NUP133: variants seen among roughly 807,000 people sequenced by gnomAD.
NUP133 encodes the protein nuclear pore complex protein Nup133.
Under a neutral mutation model 146.2 loss-of-function variants are expected in NUP133, and 66 were observed. That is an observed-to-expected ratio of 0.45 (90% CI 0.37 to 0.55). The LOEUF (loss-of-function observed/expected upper bound fraction) is 0.55, where lower values mean the gene tolerates loss of function less well. NUP133 is among the 20% of genes least tolerant of loss of function. The pLI, the probability that NUP133 is intolerant of heterozygous loss-of-function variation, is 0.00. For synonymous variants in NUP133, 521 were observed against 498.8 expected (o/e 1.04, Z -0.59); for missense variants, 1,277 against 1,374.8 (o/e 0.93, Z 1.12).
chr1:229,469,260 A>G (rs982111738), intron 15 of NUP133, among the ~76,000 whole-genome samples: 4 of 152,252 alleles, frequency 2.6e-5, no homozygotes, highest in Non-Finnish European at 4.4e-5. Flanking sequence ...ACACCTTTAA[A>G]GGGAGACAGC....
At chr1:229,470,094 C>T (rs1012107125) in intron 15 of NUP133, among the ~76,000 whole-genome samples, 7 of 152,014 alleles carry the variant, frequency 4.6e-5, no homozygotes, top group African/African-American at 7.2e-5. Context: ...CAGTAGCTCA[C>T]GCCTGTAATC....
intron 19 of NUP133, 115 bp from the exon 20 acceptor site, chr1:229,460,884 T>C (rs760829745): frequency 6.5e-6 from 5 of 772,560 alleles, no homozygotes; most frequent in Non-Finnish European, 1.0e-5. Context: ...TTCTAAACAA[T>C]AATTTCCTAT....
At chr1:229,471,815 C>A (rs1660962364) in intron 14 of NUP133, among the ~76,000 whole-genome samples, 1 of 152,130 alleles carries the variant, frequency 6.6e-6, no homozygotes, top group Non-Finnish European at 1.5e-5. Context: ...CTTTTTATAA[C>A]ACAAAAGGGG....
intron 15 of NUP133, among the ~76,000 whole-genome samples, chr1:229,466,961 T>TTA (rs1356818164): frequency 1.5e-4 from 22 of 150,550 alleles, no homozygotes; most frequent in Admixed American, 4.7e-4. Flanking sequence ...CAAATAAGTC[T>TTA]TATAAACAGG....
chr1:229,497,066 G>A (rs1661673327), intron 6 of NUP133, among the ~76,000 whole-genome samples: 1 of 152,176 alleles, frequency 6.6e-6, no homozygotes, highest in Non-Finnish European at 1.5e-5. Context: ...GGATATACAT[G>A]ACTGTTTTGT....
intron 12 of NUP133, among the ~76,000 whole-genome samples, chr1:229,482,539 T>G (rs1417443386): frequency 6.6e-6 from 1 of 152,198 alleles, no homozygotes; most frequent in Non-Finnish European, 1.5e-5. Context: ...GAGTATTTAT[T>G]CAAATGTGAA....
At chr1:229,506,002 A>G in intron 2 of NUP133, 38 bp downstream of exon 2, 1 of 1,215,446 alleles carries the variant, frequency 8.2e-7, no homozygotes, top group South Asian at 1.2e-5. Context: ...GCTCCATTTT[A>G]AACTGCTAAT....
chr1:229,476,944 A>C (rs920127501), intron 13 of NUP133, among the ~76,000 whole-genome samples: 12 of 151,630 alleles, frequency 7.9e-5, no homozygotes, highest in Admixed American at 6.6e-5. Flanking sequence ...AAAAAAACAA[A>C]AAAAAAAACT....
chr1:229,465,545 A>C lies in NUP133; in HGVS notation c.2200-26T>G, dbSNP rs752831837. On this transcript the variant is annotated intron_variant, in intron 16 of 25. Coordinates refer to ENST00000261396, the MANE Select transcript of NUP133 (RefSeq NM_018230.3). ...CTGGAAAAAAAGTTAATGTGTTATCACATGCAAAAGGTGATGGATCACAGT... is the reference window on the plus strand; with the variant it reads ...CTGGAAAAAAAGTTAATGTGTTATCCCATGCAAAAGGTGATGGATCACAGT... 257 of 1,515,490 alleles carry C rather than the reference A, an allele frequency of 1.7e-4. 1 individual carries two copies. Among genetic ancestry groups the C allele is most frequent in the Admixed American group, 2.5e-4 (15 of 59,652 alleles). 93.9% of individuals were successfully genotyped at this position (1,515,490 alleles called of 1,614,324 possible).
chr1:229,483,421 A>T (rs149816983), intron 12 of NUP133, among the ~76,000 whole-genome samples: 37 of 152,226 alleles, frequency 2.4e-4, no homozygotes, highest in African/African-American at 8.9e-4. Context: ...AATATTACCA[A>T]TAAAACTTTG....
At chr1:229,475,187 A>C (rs1271517978) in intron 14 of NUP133, among the ~76,000 whole-genome samples, 1 of 152,192 alleles carries the variant, frequency 6.6e-6, no homozygotes, top group East Asian at 1.9e-4. Context: ...TATGTCTGCA[A>C]GCCACTTTTA....
At position 229,506,173 on chromosome 1, in the gene NUP133, C is replaced by T; in HGVS notation, c.183-15G>A. The T allele has an allele frequency of 2.9e-6, 4 of 1,399,502 alleles. No homozygotes were observed. Among genetic ancestry groups the T allele is most frequent in the Non-Finnish European group, 4.0e-6 (4 of 1,002,104 alleles). 86.7% of individuals were successfully genotyped at this position (1,399,502 alleles called of 1,614,324 possible). On this transcript the variant is annotated splice_polypyrimidine_tract_variant and intron_variant, in intron 1 of 25. Transcript: ENST00000261396. Reference sequence around the variant, plus strand: ...TTGGTGTTCCCCTAAAGAAAAGAGTCTATATTACCTTACTTGTAACTTAAA... The same window carrying T: ...TTGGTGTTCCCCTAAAGAAAAGAGTTTATATTACCTTACTTGTAACTTAAA...
chr1:229,466,888 G>A, intron 15 of NUP133, 132 bp from the exon 16 acceptor site: 17 of 676,982 alleles, frequency 2.5e-5, no homozygotes, highest in South Asian at 1.2e-4. Flanking sequence ...GGCAGTTGAT[G>A]GTAAAAATAA....
intron 16 of NUP133, among the ~76,000 whole-genome samples, chr1:229,465,725 C>CA (rs1406772214): frequency 6.6e-6 from 1 of 151,756 alleles, no homozygotes; most frequent in Non-Finnish European, 1.5e-5. Flanking sequence ...CCCATCTGTA[C>CA]AAAAAATTTT....
Position 229,456,772 on chromosome 1 carries a change from TAC to T in NUP133, c.2980+1387_2980+1388del, listed in dbSNP as rs200971911. On this transcript the variant is annotated intron_variant, in intron 21 of 25. Coordinates refer to ENST00000261396, the MANE Select transcript of NUP133 (RefSeq NM_018230.3). ...ATATATATACACACAATTTTATATATACACACACACATTTTATTATGTATATC... is the reference window on the plus strand; with the variant it reads ...ATATATATACACACAATTTTATATATACACACACATTTTATTATGTATATC... 9.8e-3 allele frequency among the ~76,000 whole-genome samples: 1,483 copies of T among 151,832 alleles called. 32 individuals carry two copies. The highest frequency in any genetic ancestry group is 0.033 in the African/African-American group (1,381 of 41,392).
intron 22 of NUP133, among the ~76,000 whole-genome samples, chr1:229,451,532 ATTC>A (rs1384252811): frequency 1.3e-5 from 2 of 152,238 alleles, no homozygotes; most frequent in Non-Finnish European, 2.9e-5. Flanking sequence ...TCATTTCTGT[ATTC>A]TTCAAATTTC....
At chr1:229,497,945 T>C (rs1661697995) in intron 6 of NUP133, among the ~76,000 whole-genome samples, 191 bp downstream of exon 6, 1 of 152,254 alleles carries the variant, frequency 6.6e-6, no homozygotes, top group African/African-American at 2.4e-5. Flanking sequence ...AAGATTTTAG[T>C]GTTACAAGTT....
Position 229,496,017 on chromosome 1 carries a change from ATCTC to A in NUP133, c.846_849del (p.Glu282AspfsTer7). ...GAACTCGTCAGGCTATAAAAGCTTG[ATCTC>A]TCTCTATCCCAGAGAACACTTGAAA... On this transcript the variant is annotated frameshift_variant, in exon 7 of 26. Coordinates refer to ENST00000261396, the MANE Select transcript of NUP133 (RefSeq NM_018230.3). LOFTEE classifies it high-confidence loss of function. 1.2e-6 allele frequency: 2 copies of A among 1,600,066 alleles called. No individual in the cohort carries two copies. The highest frequency in any genetic ancestry group is 8.5e-7 in the Non-Finnish European group (1 of 1,175,964).
At chr1:229,482,529 G>A in intron 12 of NUP133, among the ~76,000 whole-genome samples, 1 of 152,148 alleles carries the variant, frequency 6.6e-6, no homozygotes, top group East Asian at 1.9e-4. Context: ...CCATTTTCCT[G>A]AGTATTTATT....
Sources: gnomAD v4.1 joint callset for allele counts (sites outside exome capture counted in the v4.1 genomes callset) on GRCh38, gnomAD v4.1.1 for gene constraint, MANE v1.5 for transcripts, NCBI Gene and HGNC (gene_info 2026-07-23, HGNC 2026-07-21) for gene names.